The following RBMS3 variants were observed in gnomAD, a reference collection of about 807,000 sequenced individuals.
RBMS3 encodes the protein RNA-binding motif, single-stranded-interacting protein 3.
Under a neutral mutation model 66.8 loss-of-function variants are expected in RBMS3, and 27 were observed. That is an observed-to-expected ratio of 0.40 (90% CI 0.30 to 0.56). RBMS3 has a LOEUF of 0.56. RBMS3 is among the 20% of genes least tolerant of loss of function. The probability of loss-of-function intolerance (pLI) is 0.40; values close to 1 mark genes in which losing one functional copy is unlikely to be tolerated. For synonymous variants in RBMS3, 188 were observed against 183.0 expected (o/e 1.03, Z -0.22); for missense variants, 513 against 549.5 (o/e 0.93, Z 0.66).
intron 10 of RBMS3, among the ~76,000 whole-genome samples, chr3:29,916,899 A>G (rs2060651555): frequency 6.6e-6 from 1 of 152,048 alleles, no homozygotes; most frequent in South Asian, 2.1e-4. Flanking sequence ...AAATGTTTTT[A>G]GCAGAATCAA....
intron 12 of RBMS3, among the ~76,000 whole-genome samples, chr3:29,982,701 T>C (rs1698077619): frequency 1.3e-5 from 2 of 152,148 alleles, no homozygotes; most frequent in African/African-American, 4.8e-5. Context: ...AGGTTGTTCA[T>C]TTTCCACGTA....
rs2058730936 is a variant in RBMS3, at chr3:29,844,378, A to T, written c.638-24480A>T. 1.3e-5 allele frequency among the ~76,000 whole-genome samples: 2 copies of T among 152,212 alleles called. 1 individual carries two copies. Among genetic ancestry groups the T allele is most frequent in the South Asian group, 4.1e-4 (2 of 4,834 alleles). On this transcript the variant is annotated intron_variant, in intron 6 of 14. Coordinates refer to ENST00000383767, the MANE Select transcript of RBMS3 (RefSeq NM_001003793.3). Reference sequence around the variant, plus strand: ...GCAGTTATGACTAGGCTAGTCAATAAAGTCTCAAAATCAGCTATTAGAGTA... The same window carrying T: ...GCAGTTATGACTAGGCTAGTCAATATAGTCTCAAAATCAGCTATTAGAGTA...
chr3:29,748,346 A>T (rs1003058384), intron 5 of RBMS3, among the ~76,000 whole-genome samples: 4 of 152,232 alleles, frequency 2.6e-5, no homozygotes, highest in Non-Finnish European at 5.9e-5. Context: ...TGAGATTCAG[A>T]AAATATGATT....
chr3:29,886,083 C>T (rs2059862526), intron 8 of RBMS3, among the ~76,000 whole-genome samples: 1 of 151,758 alleles, frequency 6.6e-6, no homozygotes, highest in Non-Finnish European at 1.5e-5. Context: ...CATAATATTT[C>T]TAACTTCTTA....
rs183783125 is a variant in RBMS3 at position 29,988,534 on chromosome 3, T to C, written c.1179+311T>C. ...AATACTTCTTATAAAAGGAAAAAAGTTTGCAACTATGTGAATGAACTAATT... is the reference window on the plus strand; with the variant it reads ...AATACTTCTTATAAAAGGAAAAAAGCTTGCAACTATGTGAATGAACTAATT... On this transcript the variant is annotated intron_variant, in intron 13 of 14. Transcript: ENST00000383767. Among the ~76,000 whole-genome samples, 44 of 152,266 alleles carry C rather than the reference T, an allele frequency of 2.9e-4. No individual in the cohort carries two copies. The East Asian group carries it at 8.1e-3, about 28-fold the overall frequency.
At chr3:29,329,910 A>G (rs1022164156) in intron 1 of RBMS3, among the ~76,000 whole-genome samples, 3 of 147,950 alleles carry the variant, frequency 2.0e-5, no homozygotes, top group Non-Finnish European at 3.0e-5. Flanking sequence ...ATATATTAAT[A>G]TAACTATAGA....
At chr3:29,360,408 G>C (rs1021465447) in intron 1 of RBMS3, among the ~76,000 whole-genome samples, 2 of 152,036 alleles carry the variant, frequency 1.3e-5, no homozygotes, top group East Asian at 3.8e-4. Context: ...TGTGGTCTGA[G>C]AGACAGTTTG....
At chr3:29,683,870 A>G (rs1399165310) in intron 4 of RBMS3, among the ~76,000 whole-genome samples, 1 of 152,188 alleles carries the variant, frequency 6.6e-6, no homozygotes, top group Non-Finnish European at 1.5e-5. Flanking sequence ...GGAATGACTA[A>G]GCAGTTTTGT....
At chr3:29,485,525 G>T (rs1324955082) in intron 2 of RBMS3, among the ~76,000 whole-genome samples, 1 of 152,084 alleles carries the variant, frequency 6.6e-6, no homozygotes, top group Non-Finnish European at 1.5e-5. Context: ...GTAGGTATGG[G>T]GTTGCCAAAA....
At chr3:29,658,217 G>A (rs1342551422) in intron 4 of RBMS3, among the ~76,000 whole-genome samples, 1 of 152,162 alleles carries the variant, frequency 6.6e-6, no homozygotes, top group African/African-American at 2.4e-5. Flanking sequence ...TGCATGGCCG[G>A]TAGAAAACAC....
At chr3:29,857,154 T>A (rs879746469) in intron 6 of RBMS3, among the ~76,000 whole-genome samples, 1 of 152,192 alleles carries the variant, frequency 6.6e-6, no homozygotes, top group Non-Finnish European at 1.5e-5. Flanking sequence ...TTCTACTAAC[T>A]GAGTTCACTG....
chr3:29,297,729 A>G (rs1276273908), intron 1 of RBMS3, among the ~76,000 whole-genome samples: 3 of 151,764 alleles, frequency 2.0e-5, no homozygotes, highest in African/African-American at 7.3e-5. Context: ...TTCCTCATTT[A>G]AGGTTCCAGG....
intron 2 of RBMS3, among the ~76,000 whole-genome samples, chr3:29,480,523 C>T (rs1348249387): frequency 6.6e-6 from 1 of 152,114 alleles, no homozygotes; most frequent in African/African-American, 2.4e-5. Flanking sequence ...AAGGATATTT[C>T]AAGAGGAAGC....
chr3:29,400,426 G>T (rs907391612), intron 1 of RBMS3, among the ~76,000 whole-genome samples: 2 of 152,004 alleles, frequency 1.3e-5, no homozygotes, highest in Admixed American at 1.3e-4. Context: ...GCTGGAAGGA[G>T]GGAGAAATGG....
intron 2 of RBMS3, among the ~76,000 whole-genome samples, chr3:29,445,660 G>T (rs1443029257): frequency 6.6e-6 from 1 of 152,096 alleles, no homozygotes; most frequent in African/African-American, 2.4e-5. Context: ...TAATAAAAAT[G>T]AAAGCTTTTT....
intron 4 of RBMS3, chr3:29,641,264 C>T (rs2049699129): frequency 6.6e-6 from 1 of 151,970 alleles, no homozygotes; most frequent in African/African-American, 2.4e-5. Context: ...AAATTATTTT[C>T]AGTGGCCACA....
intron 1 of RBMS3, among the ~76,000 whole-genome samples, chr3:29,305,521 T>A (rs6775369): frequency 0.26 from 39,538 of 151,666 alleles, 5,315 homozygotes; most frequent in Middle Eastern, 0.39. Context: ...CTACGCCAAA[T>A]TGTATGCCAG....
intron 4 of RBMS3, among the ~76,000 whole-genome samples, chr3:29,589,376 G>A (rs556400320): frequency 3.9e-5 from 6 of 152,006 alleles, no homozygotes; most frequent in Non-Finnish European, 7.4e-5. Context: ...ATTGGCTCAC[G>A]CCCACTGTAC....
At chr3:29,722,037 T>C (rs114801391) in intron 4 of RBMS3, among the ~76,000 whole-genome samples, 42 of 152,306 alleles carry the variant, frequency 2.8e-4, no homozygotes, top group Admixed American at 4.6e-4. Flanking sequence ...ATTTCGTGTT[T>C]GGTATTCTTT....
Sources: allele counts gnomAD v4.1 joint callset (sites outside exome capture counted in the v4.1 genomes callset), GRCh38; gene constraint gnomAD v4.1.1; transcripts MANE v1.5; gene names NCBI Gene and HGNC (gene_info 2026-07-23, HGNC 2026-07-21).